Variants in FCHO2 observed in about 807,000 individuals in gnomAD.
FCHO2 encodes FCH and mu domain containing endocytic adaptor 2, also known as F-BAR domain only protein 2.
A neutral mutation model predicts 114.1 loss-of-function variants in FCHO2; 43 were observed. The observed-to-expected ratio is 0.38, with a 90% confidence interval of 0.30 to 0.49. FCHO2 has a LOEUF of 0.49. FCHO2 is among the 20% of genes least tolerant of loss of function. The pLI is 0.97. For missense variants in FCHO2, 807 were observed against 950.4 expected (o/e 0.85, Z 1.98); for synonymous variants, 293 against 315.2 (o/e 0.93, Z 0.75).
intron 8 of FCHO2, among the ~76,000 whole-genome samples, chr5:73,022,112 G>C (rs1007512553): frequency 6.6e-6 from 1 of 152,230 alleles, no homozygotes; most frequent in South Asian, 2.1e-4. Context: ...AATTAGACTA[G>C]AACTAAGTGT....
intron 12 of FCHO2, 124 bp downstream of exon 12, chr5:73,051,530 G>T: frequency 4.9e-6 from 3 of 606,650 alleles, no homozygotes; most frequent in South Asian, 3.0e-5. Flanking sequence ...TTCCTTGTTT[G>T]TCATTTGACA....
At chr5:73,020,890 C>T (rs181335580) in intron 8 of FCHO2, 16 of 1,144,886 alleles carry the variant, frequency 1.4e-5, no homozygotes, top group Middle Eastern at 2.5e-4. Context: ...CAGCTCACCA[C>T]GGGAGAGCTT....
chr5:72,991,074 A>G (rs909382245), intron 5 of FCHO2, among the ~76,000 whole-genome samples: 2 of 152,092 alleles, frequency 1.3e-5, no homozygotes, highest in African/African-American at 4.8e-5. Flanking sequence ...AAAAACAATG[A>G]TTGATTTGAG....
intron 8 of FCHO2, among the ~76,000 whole-genome samples, chr5:73,024,937 G>A (rs1003073071): frequency 6.6e-6 from 1 of 152,150 alleles, no homozygotes; most frequent in Non-Finnish European, 1.5e-5. Context: ...CTGGCCTTAA[G>A]ATATACGAAG....
intron 6 of FCHO2, among the ~76,000 whole-genome samples, chr5:73,011,702 C>T (rs764073715): frequency 4.6e-5 from 7 of 151,934 alleles, no homozygotes; most frequent in Non-Finnish European, 7.4e-5. Context: ...CTTGAGGTCA[C>T]GAGTTTGAGA....
chr5:73,032,704 C>A (rs1377654497), intron 8 of FCHO2, among the ~76,000 whole-genome samples: 2 of 152,002 alleles, frequency 1.3e-5, no homozygotes, highest in Non-Finnish European at 2.9e-5. Flanking sequence ...ATGGTACTTA[C>A]TTTTTTCTAC....
rs114841196 is a variant in FCHO2, at chr5:72,982,723, T to C, written c.126-6704T>C. Among the ~76,000 whole-genome samples the C allele has an allele frequency of 5.0e-3, 760 of 152,266 alleles. 4 individuals carry two copies. The highest frequency in any genetic ancestry group is 0.018 in the African/African-American group (741 of 41,562). ...ACCCAATGTTGTCTAGGTTTTCTCC[T>C]ATGTTATCTTCTAGGGGTTTTGTAG... On this transcript the variant is annotated intron_variant, in intron 2 of 25. Coordinates refer to ENST00000430046, the MANE Select transcript of FCHO2 (RefSeq NM_138782.3).
intron 8 of FCHO2, among the ~76,000 whole-genome samples, chr5:73,023,890 C>T (rs1369397130): frequency 6.6e-6 from 1 of 152,088 alleles, no homozygotes; most frequent in Non-Finnish European, 1.5e-5. Context: ...TCATAATGTC[C>T]TACTTGTCAA....
At chr5:72,967,901 TGA>T (rs1310787923) in intron 1 of FCHO2, among the ~76,000 whole-genome samples, 3 of 151,638 alleles carry the variant, frequency 2.0e-5, no homozygotes, top group Non-Finnish European at 4.4e-5. Context: ...ATTACAGGCG[TGA>T]GCCACCACGC....
chr5:73,073,424 C>T (rs915091972), intron 19 of FCHO2, among the ~76,000 whole-genome samples: 4 of 152,064 alleles, frequency 2.6e-5, no homozygotes, highest in African/African-American at 9.7e-5. Flanking sequence ...GCCTCTCCCT[C>T]ACATTTTTTG....
At chr5:72,982,627 A>C (rs918798599) in intron 2 of FCHO2, among the ~76,000 whole-genome samples, 1 of 152,176 alleles carries the variant, frequency 6.6e-6, no homozygotes, top group Non-Finnish European at 1.5e-5. Context: ...ACCATAGCCA[A>C]GGTCTGGTGT....
intron 17 of FCHO2, among the ~76,000 whole-genome samples, chr5:73,058,970 A>G (rs1757725221): frequency 6.6e-6 from 1 of 152,180 alleles, no homozygotes; most frequent in African/African-American, 2.4e-5. Flanking sequence ...TATGGCTTAC[A>G]AGATGATGTC....
At chr5:72,962,950 A>G (rs1485902017) in intron 1 of FCHO2, among the ~76,000 whole-genome samples, 1 of 152,136 alleles carries the variant, frequency 6.6e-6, no homozygotes, top group Non-Finnish European at 1.5e-5. Context: ...CCAAAAAGAT[A>G]AGTATAAATT....
At position 73,058,496 on chromosome 5, in the gene FCHO2, T is replaced by G; in HGVS notation, c.1317T>G (p.Ser439=). ...PLFGPSLDSS[S]SSSLTSSSSA... is the part of the protein sequence containing the mutation. ...TTGGACCATCTCTTGATTCATCTTC[T>G]TCATCTTCACTAACTTCATCATCAT... Residue 439 remains serine, a synonymous_variant, in exon 17 of 26, where the codon TCT becomes TCG. Transcript: ENST00000430046. The G allele has an allele frequency of 1.3e-6, 2 of 1,530,032 alleles. No homozygotes were observed. Among genetic ancestry groups the G allele is most frequent in the East Asian group, 4.7e-5 (2 of 42,914 alleles). 94.8% of individuals were successfully genotyped at this position (1,530,032 alleles called of 1,614,324 possible).
intron 6 of FCHO2, among the ~76,000 whole-genome samples, chr5:73,010,870 T>C (rs1754967075): frequency 8.5e-6 from 1 of 117,232 alleles, no homozygotes; most frequent in Non-Finnish European, 1.7e-5. Flanking sequence ...AGTGAGACTC[T>C]GTCTCAAAAA....
At chr5:73,058,157 C>T (rs183918872) in intron 16 of FCHO2, among the ~76,000 whole-genome samples, 38 of 152,030 alleles carry the variant, frequency 2.5e-4, no homozygotes, top group Non-Finnish European at 4.7e-4. Flanking sequence ...CAGGCATGCA[C>T]CACCAAGCCA....
chr5:72,971,924 G>A (rs1266100800), intron 2 of FCHO2, among the ~76,000 whole-genome samples: 4 of 151,788 alleles, frequency 2.6e-5, no homozygotes, highest in Non-Finnish European at 5.9e-5. Flanking sequence ...CATATGGCTA[G>A]CCAGTTTTCC....
intron 8 of FCHO2, among the ~76,000 whole-genome samples, chr5:73,026,470 CA>C (rs962267845): frequency 4.2e-4 from 59 of 140,270 alleles, no homozygotes; most frequent in Middle Eastern, 3.5e-3. Flanking sequence ...GATTCCGTCT[CA>C]AAAAAAAAAA....
intron 5 of FCHO2, 60 bp from the exon 6 acceptor site, chr5:73,006,385 C>A: frequency 9.9e-7 from 1 of 1,006,748 alleles, no homozygotes; most frequent in African/African-American, 1.7e-5. Flanking sequence ...TATTAACTTA[C>A]ATTAGGAAAG....
Sources: gnomAD v4.1 joint callset for allele counts (sites outside exome capture counted in the v4.1 genomes callset) on GRCh38, gnomAD v4.1.1 for gene constraint, MANE v1.5 for transcripts, NCBI Gene and HGNC (gene_info 2026-07-23, HGNC 2026-07-21) for gene names.